Variants in MEIOB observed in about 807,000 individuals in gnomAD.
MEIOB encodes the protein meiosis-specific with OB domain-containing protein.
A neutral mutation model predicts 53.1 loss-of-function variants in MEIOB; 50 were observed. That is an observed-to-expected ratio of 0.94 (90% CI 0.75 to 1.19). The LOEUF (loss-of-function observed/expected upper bound fraction) is 1.19, where lower values mean the gene tolerates loss of function less well. Among genes scored for constraint, MEIOB ranks in the 50% most tolerant of loss-of-function variants. The pLI is 0.00. For missense variants in MEIOB, 551 were observed against 550.8 expected (o/e 1.00, Z 0.00); for synonymous variants, 192 against 182.5 (o/e 1.05, Z -0.42).
At chr16:1,868,218 A>G (rs1185280273) in intron 1 of MEIOB, 34 bp from the exon 2 acceptor site, 2 of 1,099,422 alleles carry the variant, frequency 1.8e-6, no homozygotes, top group East Asian at 5.2e-5. Flanking sequence ...AGATATATAA[A>G]TTGAATAAAT....
rs140912036 is a variant in MEIOB at position 1,834,940 on chromosome 16, A to ACC, written c.1306-576_1306-575dup. On this transcript the variant is annotated intron_variant, in intron 13 of 13. Coordinates refer to ENST00000325962, the MANE Select transcript of MEIOB (RefSeq NM_001163560.3). ...ACTAGAGCGAAACTCTGTCCCCCCC[A>ACC]CCCCCCCCCACTAAAAAAAATGTCT... Among the ~76,000 whole-genome samples the ACC allele has an allele frequency of 4.3e-3, 420 of 98,566 alleles. 6 individuals carry two copies. In the East Asian group the frequency reaches 0.084, roughly 20 times the overall value. The allele number at this position is 98,566 out of a possible 152,430, so 64.7% of individuals were successfully genotyped here. A position where few individuals can be genotyped will look rare whatever the true frequency, so the allele number is the denominator to read the frequency against.
intron 5 of MEIOB, among the ~76,000 whole-genome samples, chr16:1,858,266 G>C (rs1038461913): frequency 6.6e-6 from 1 of 152,148 alleles, no homozygotes; most frequent in Non-Finnish European, 1.5e-5. Context: ...AGGACTGGTT[G>C]TTTCTCTCTC....
In MEIOB at chr16:1,838,048, G is replaced by GTGCAGCAGTGCTATCACAGCTCAC. The variant is rs1401268499; in HGVS notation, c.1219-202_1219-179dup. ...GTCTCACTCTGTCGCCCAAGCTGGA[G>GTGCAGCAGTGCTATCACAGCTCAC]TGCAGCAGTGCTATCACAGCTCACT... On this transcript the variant is annotated intron_variant, in intron 12 of 13. Transcript: ENST00000325962. 5 of 1,201,388 alleles carry GTGCAGCAGTGCTATCACAGCTCAC rather than the reference G, an allele frequency of 4.2e-6. No homozygotes were observed. The South Asian group carries it at 8.2e-5, about 20-fold the overall frequency. 74.4% of individuals were successfully genotyped at this position (1,201,388 alleles called of 1,614,324 possible).
chr16:1,844,827 T>C lies in MEIOB; in HGVS notation c.880+35A>G, dbSNP rs751993181. 48 of 1,243,068 alleles carry C rather than the reference T, an allele frequency of 3.9e-5. No individual in the cohort carries two copies. In the Middle Eastern group the frequency reaches 1.9e-3, roughly 50 times the overall value. 77.0% of individuals were successfully genotyped at this position (1,243,068 alleles called of 1,614,324 possible). On this transcript the variant is annotated intron_variant, in intron 10 of 13. Coordinates refer to ENST00000325962, the MANE Select transcript of MEIOB (RefSeq NM_001163560.3). ...CCTTTACAGGCCCAATTTCGGCCTT[T>C]AAAAAAATCCAAATATATTTAAACG...
At chr16:1,835,159 C>T (rs1186585907) in intron 13 of MEIOB, among the ~76,000 whole-genome samples, 1 of 151,770 alleles carries the variant, frequency 6.6e-6, no homozygotes, top group South Asian at 2.1e-4. Flanking sequence ...GTGGCTGAGG[C>T]GGGAGGATCA....
At chr16:1,843,758 C>T (rs1898967922) in intron 10 of MEIOB, among the ~76,000 whole-genome samples, 1 of 149,880 alleles carries the variant, frequency 6.7e-6, no homozygotes, top group Admixed American at 6.6e-5. Flanking sequence ...AATAACACAA[C>T]ATTAGTGAGG....
chr16:1,834,882 C>T (rs1898697233), intron 13 of MEIOB, among the ~76,000 whole-genome samples: 1 of 152,004 alleles, frequency 6.6e-6, no homozygotes, highest in Admixed American at 6.6e-5. Flanking sequence ...TTGCAGTGAG[C>T]AGAGATTGTG....
intron 3 of MEIOB, 116 bp from the exon 4 acceptor site, chr16:1,862,232 T>TTA (rs2150822387): frequency 1.3e-6 from 1 of 770,078 alleles, no homozygotes. Flanking sequence ...GATTATTTGT[T>TTA]TAATCAAATA....
Position 1,841,931 on chromosome 16 carries a change from C to T in MEIOB, c.923G>A (p.Gly308Glu). 1 of 1,608,396 alleles carries T rather than the reference C, an allele frequency of 6.2e-7. No individual in the cohort carries two copies. The highest frequency in any genetic ancestry group is 8.5e-7 in the Non-Finnish European group (1 of 1,177,332). ...TTTTCCTTCATTCTTCAAAGCTTTT[C>T]CCTTTAATTGTTCAACTGTGTAGAC... ...VDVYTVEQLKGKALKNEGKAD... is the reference protein window; with the variant it reads ...VDVYTVEQLKEKALKNEGKAD... Residue 308 changes from glycine to glutamate, a missense_variant, in exon 11 of 14, where the codon GGA becomes GAA. Gly to Glu is a moderately conservative substitution (Grantham distance 98). Coordinates refer to ENST00000325962, the MANE Select transcript of MEIOB (RefSeq NM_001163560.3).
Position 1,867,462 on chromosome 16 carries a change from A to ATT in MEIOB, c.69+643_69+644dup, listed in dbSNP as rs869208139. Among the ~76,000 whole-genome samples, 724 of 102,858 alleles carry ATT rather than the reference A, an allele frequency of 7.0e-3. 28 individuals are homozygous for ATT. Among genetic ancestry groups the ATT allele is most frequent in the African/African-American group, 0.023 (593 of 25,622 alleles). The allele number at this position is 102,858 out of a possible 152,430, so 67.5% of individuals were successfully genotyped here. A position where few individuals can be genotyped will look rare whatever the true frequency, so the allele number is the denominator to read the frequency against. ...TGCTACTGCTGAACAAAATGGTTTA[A>ATT]TTTTTTTTTTTTTTTTTTTTTTTTT... On this transcript the variant is annotated intron_variant, in intron 2 of 13. Coordinates refer to ENST00000325962, the MANE Select transcript of MEIOB (RefSeq NM_001163560.3).
At chr16:1,836,884 C>T (rs1178429829) in intron 13 of MEIOB, among the ~76,000 whole-genome samples, 1 of 152,160 alleles carries the variant, frequency 6.6e-6, no homozygotes, top group Non-Finnish European at 1.5e-5. Context: ...AGCTGCAGTA[C>T]AGCAAGTATC....
At chr16:1,870,337 A>G (rs1010251096) in intron 1 of MEIOB, among the ~76,000 whole-genome samples, 7 of 152,200 alleles carry the variant, frequency 4.6e-5, no homozygotes, top group African/African-American at 1.7e-4. Context: ...AAAAGGTTCT[A>G]TTGTAGAAAA....
chr16:1,848,526 CTCCTTTTTTTTTTTT>C (rs1221693288), intron 9 of MEIOB, among the ~76,000 whole-genome samples: 11 of 148,738 alleles, frequency 7.4e-5, no homozygotes, highest in Non-Finnish European at 1.3e-4. Context: ...CTTATCCCTT[CTCCTTTTTTTTTTTT>C]TCCTTTTTTT....
chr16:1,845,791 G>T (rs1899014512), intron 9 of MEIOB, among the ~76,000 whole-genome samples: 1 of 152,176 alleles, frequency 6.6e-6, no homozygotes, highest in South Asian at 2.1e-4. Flanking sequence ...GTGCCAGAAG[G>T]CAGGAACGCG....
chr16:1,847,722 G>A (rs996451995), intron 9 of MEIOB, among the ~76,000 whole-genome samples: 6 of 151,912 alleles, frequency 3.9e-5, no homozygotes, highest in East Asian at 1.9e-4. Context: ...CATATAAATC[G>A]GGCTGCCCTT....
chr16:1,867,196 G>T (rs192392116), intron 2 of MEIOB, among the ~76,000 whole-genome samples: 2 of 152,282 alleles, frequency 1.3e-5, no homozygotes, highest in African/African-American at 2.4e-5. Flanking sequence ...GGGAAGGTAA[G>T]GGTGTGTGGT....
intron 11 of MEIOB, among the ~76,000 whole-genome samples, 185 bp downstream of exon 11, chr16:1,841,635 G>A (rs1279321631): frequency 6.6e-6 from 1 of 152,022 alleles, no homozygotes; most frequent in Non-Finnish European, 1.5e-5. Flanking sequence ...ATTTTAAAAG[G>A]CAATTATAAT....
intron 9 of MEIOB, among the ~76,000 whole-genome samples, chr16:1,848,460 G>A (rs60068666): frequency 6.6e-6 from 1 of 150,768 alleles, no homozygotes; most frequent in Non-Finnish European, 1.5e-5. Flanking sequence ...TTTCCTCCTG[G>A]TCCCTCCCGC....
chr16:1,853,887 C>A (rs1899233346), intron 7 of MEIOB, among the ~76,000 whole-genome samples: 1 of 152,146 alleles, frequency 6.6e-6, no homozygotes, highest in African/African-American at 2.4e-5. Flanking sequence ...CGGTGGAGTC[C>A]CCCTAAGCAA....
Sources: allele counts gnomAD v4.1 joint callset (sites outside exome capture counted in the v4.1 genomes callset), GRCh38; gene constraint gnomAD v4.1.1; transcripts MANE v1.5; gene names NCBI Gene and HGNC (gene_info 2026-07-23, HGNC 2026-07-21).